The following SAMD3 variants were observed in gnomAD, a reference collection of about 807,000 sequenced individuals.
SAMD3 encodes sterile alpha motif domain containing 3, also known as sterile alpha motif domain-containing protein 3.
Under a neutral mutation model 58.5 loss-of-function variants are expected in SAMD3, and 63 were observed. That is an observed-to-expected ratio of 1.08 (90% confidence interval 0.88 to 1.33). SAMD3 has a LOEUF of 1.33. Ranked by LOEUF, SAMD3 falls within the 40% of genes most tolerant of loss-of-function variation. SAMD3 has a pLI of 0.00. For synonymous variants in SAMD3, 220 were observed against 210.3 expected (o/e 1.05, Z -0.40); for missense variants, 604 against 608.4 (o/e 0.99, Z 0.08).
chr6:130,284,491 GGAGAGA>G (rs1775091883), intron 2 of SAMD3, among the ~76,000 whole-genome samples: 1 of 151,662 alleles, frequency 6.6e-6, no homozygotes, highest in Non-Finnish European at 1.5e-5. Flanking sequence ...AGAGAGAGAG[GGAGAGA>G]GAAAGAGAAG....
chr6:130,305,938 T>C (rs986326334), intron 2 of SAMD3, among the ~76,000 whole-genome samples: 2 of 152,252 alleles, frequency 1.3e-5, no homozygotes, highest in African/African-American at 4.8e-5. Context: ...AAGATCAAGA[T>C]GGCAGCAGAT....
chr6:130,171,382 A>C (rs989318757), intron 8 of SAMD3, among the ~76,000 whole-genome samples: 1 of 152,072 alleles, frequency 6.6e-6, no homozygotes, highest in Non-Finnish European at 1.5e-5. Flanking sequence ...TTTGTCAGGG[A>C]TATTGGCCTG....
intron 2 of SAMD3, 81 bp from the exon 3 acceptor site, chr6:130,215,375 C>T: frequency 7.9e-7 from 1 of 1,270,148 alleles, no homozygotes; most frequent in Non-Finnish European, 1.1e-6. Flanking sequence ...TCAGCCGCTT[C>T]CTTTGCTAGA....
chr6:130,312,813 CTTTTG>C (rs1211760968), intron 2 of SAMD3, among the ~76,000 whole-genome samples: 1 of 151,670 alleles, frequency 6.6e-6, no homozygotes, highest in Non-Finnish European at 1.5e-5. Context: ...ACACACATAT[CTTTTG>C]TTTGTTTGGG....
intron 9 of SAMD3, 103 bp downstream of exon 9, chr6:130,154,712 AAAAAAAATAT>A (rs1387980574): frequency 7.8e-3 from 815 of 104,792 alleles, no homozygotes; most frequent in East Asian, 0.024. Context: ...AAAAAAAAAA[AAAAAAAATAT>A]ATATATATAT....
At chr6:130,232,844 A>G (rs1796584726) in intron 2 of SAMD3, among the ~76,000 whole-genome samples, 1 of 152,216 alleles carries the variant, frequency 6.6e-6, no homozygotes, top group Non-Finnish European at 1.5e-5. Context: ...TGCTAAGATA[A>G]CCAATATTTT....
At chr6:130,313,297 G>A (rs183017462) in intron 1 of SAMD3, among the ~76,000 whole-genome samples, 1 of 152,236 alleles carries the variant, frequency 6.6e-6, no homozygotes, top group African/African-American at 2.4e-5. Context: ...GTGTGGCGCT[G>A]GCCTGTGTAT....
intron 1 of SAMD3, among the ~76,000 whole-genome samples, chr6:130,347,000 C>A (rs1002121800): frequency 6.6e-6 from 1 of 152,220 alleles, no homozygotes; most frequent in Admixed American, 6.5e-5. Context: ...CAAACTCCAA[C>A]AGACCTGCAG....
intron 2 of SAMD3, among the ~76,000 whole-genome samples, chr6:130,247,303 C>T (rs9492504): frequency 6.6e-6 from 1 of 152,012 alleles, no homozygotes; most frequent in Non-Finnish European, 1.5e-5. Context: ...AACCCCATCT[C>T]TATTAAAAAT....
intron 7 of SAMD3, among the ~76,000 whole-genome samples, chr6:130,178,711 G>A (rs147271441): frequency 5.9e-5 from 9 of 152,298 alleles, no homozygotes; most frequent in African/African-American, 9.6e-5. Context: ...ACTATAAAAC[G>A]GAACAATAAG....
chr6:130,281,120 GTCTC>G (rs10580029), intron 2 of SAMD3, among the ~76,000 whole-genome samples: 48,103 of 151,836 alleles, frequency 0.32, 7,812 homozygotes, highest in East Asian at 0.47. Flanking sequence ...ATGTGAATGT[GTCTC>G]TCTCTATCTC....
intron 1 of SAMD3, among the ~76,000 whole-genome samples, chr6:130,360,723 C>G (rs1008618532): frequency 6.6e-6 from 1 of 152,300 alleles, no homozygotes; most frequent in East Asian, 1.9e-4. Context: ...TGAATTTCCT[C>G]TTCCTAATAA....
chr6:130,176,077 TACA>T (rs1013386080), intron 7 of SAMD3, 69 bp from the exon 8 acceptor site: 19 of 1,227,780 alleles, frequency 1.5e-5, no homozygotes, highest in Middle Eastern at 3.8e-4. Flanking sequence ...AATACGTCTA[TACA>T]ACAACAATAC....
intron 1 of SAMD3, among the ~76,000 whole-genome samples, chr6:130,340,840 T>C (rs1777245915): frequency 6.6e-6 from 1 of 152,234 alleles, no homozygotes; most frequent in African/African-American, 2.4e-5. Context: ...TCTGGTTTCC[T>C]TTATGATGAA....
chr6:130,312,182 T>G (rs1202484943), intron 2 of SAMD3, among the ~76,000 whole-genome samples: 1 of 152,210 alleles, frequency 6.6e-6, no homozygotes, highest in East Asian at 1.9e-4. Flanking sequence ...ATTGATGTAT[T>G]GGACTGGACA....
At chr6:130,274,169 T>A (rs1774689287) in intron 2 of SAMD3, among the ~76,000 whole-genome samples, 1 of 152,166 alleles carries the variant, frequency 6.6e-6, no homozygotes, top group Non-Finnish European at 1.5e-5. Flanking sequence ...ATTCTTGGTA[T>A]ACAGGATTTG....
intron 1 of SAMD3, among the ~76,000 whole-genome samples, chr6:130,325,552 C>G (rs1032414347): frequency 6.6e-6 from 1 of 151,974 alleles, no homozygotes; most frequent in African/African-American, 2.4e-5. Flanking sequence ...TGGAAACATC[C>G]TCACAGAAAA....
intron 1 of SAMD3, among the ~76,000 whole-genome samples, chr6:130,322,964 A>G (rs1402005926): frequency 3.9e-5 from 6 of 152,230 alleles, no homozygotes. Context: ...TTAAAAGTTG[A>G]CAATAGAAAA....
rs970761274 is a variant in SAMD3, at chr6:130,146,271, T to G, written c.1024-90A>C. 3.7e-5 allele frequency: 29 copies of G among 785,014 alleles called. 1 individual carries two copies. Among genetic ancestry groups the G allele is most frequent in the Middle Eastern group, 4.2e-4 (1 of 2,394 alleles). The allele number at this position is 785,014 out of a possible 1,614,324, so 48.6% of individuals were successfully genotyped here. ...GACATAAAACCTTTAGAATTAAGCT[T>G]TGAATGCTGGTTTACACTAAGTACT... On this transcript the variant is annotated intron_variant, in intron 9 of 11. Coordinates refer to ENST00000439090, the MANE Select transcript of SAMD3 (RefSeq NM_001017373.4).
Sources: gnomAD v4.1 joint callset for allele counts (sites outside exome capture counted in the v4.1 genomes callset) on GRCh38, gnomAD v4.1.1 for gene constraint, MANE v1.5 for transcripts, NCBI Gene and HGNC (gene_info 2026-07-23, HGNC 2026-07-21) for gene names.